GPD1L: variants seen among roughly 807,000 people sequenced by gnomAD.
GPD1L encodes the protein glycerol-3-phosphate dehydrogenase 1 like.
A neutral mutation model predicts 32.9 loss-of-function variants in GPD1L; 17 were observed. The observed-to-expected ratio is 0.52, with a 90% CI of 0.35 to 0.78. The LOEUF is 0.78. GPD1L is among the 30% of genes least tolerant of loss of function. GPD1L has a pLI of 0.01. For missense variants in GPD1L, 361 were observed against 447.8 expected, an observed-to-expected ratio of 0.81 and a Z score of 1.75; for synonymous variants, 187 against 165.9, an observed-to-expected ratio of 1.13 and a Z score of -0.98.
intron 5 of GPD1L, chr3:32,151,471 C>A: frequency 2.3e-6 from 1 of 425,790 alleles, no homozygotes; most frequent in Non-Finnish European, 4.2e-6. Flanking sequence ...GGTTTTTTAG[C>A]TTATGTATTT....
chr3:32,159,239 C>T (rs1701042764), intron 6 of GPD1L, 130 bp downstream of exon 6: 1 of 714,682 alleles, frequency 1.4e-6, no homozygotes, highest in Admixed American at 2.2e-5. Context: ...TGCCTGGCTG[C>T]TTTTTCACTT....
intron 1 of GPD1L, among the ~76,000 whole-genome samples, chr3:32,126,706 A>G (rs1384797142): frequency 6.6e-6 from 1 of 152,326 alleles, no homozygotes; most frequent in East Asian, 1.9e-4. Context: ...CTTGATATCT[A>G]CAGCTATTCT....
At chr3:32,110,642 C>A (rs920226964) in intron 1 of GPD1L, among the ~76,000 whole-genome samples, 1 of 152,200 alleles carries the variant, frequency 6.6e-6, no homozygotes, top group African/African-American at 2.4e-5. Flanking sequence ...ATGCCCTTGT[C>A]CTGTCCTTTG....
intron 2 of GPD1L, among the ~76,000 whole-genome samples, chr3:32,129,283 A>C (rs1700555132): frequency 6.6e-6 from 1 of 152,188 alleles, no homozygotes. Flanking sequence ...TGTGCATGCA[A>C]AGCACCGTGT....
At chr3:32,150,177 C>G (rs111554271) in intron 5 of GPD1L, among the ~76,000 whole-genome samples, 1,966 of 152,200 alleles carry the variant, frequency 0.013, 60 homozygotes, top group African/African-American at 0.044. Context: ...TTTGCATTTT[C>G]TAGGATTTTT....
chr3:32,140,162 A>G (rs1347634162), intron 3 of GPD1L, 66 bp from the exon 4 acceptor site: 2 of 1,557,014 alleles, frequency 1.3e-6, no homozygotes, highest in East Asian at 4.5e-5. Context: ...GCCATGGGAC[A>G]TCTACTATCC....
chr3:32,138,794 T>C, intron 3 of GPD1L, 67 bp downstream of exon 3: 1 of 1,509,270 alleles, frequency 6.6e-7, no homozygotes. Context: ...CCTCACACTT[T>C]CATCTGCTTG....
At chr3:32,133,454 G>A (rs1367913846) in intron 2 of GPD1L, among the ~76,000 whole-genome samples, 2 of 152,060 alleles carry the variant, frequency 1.3e-5, no homozygotes, top group Non-Finnish European at 2.9e-5. Context: ...ATATTAAAAA[G>A]ATATAAAATA....
intron 2 of GPD1L, among the ~76,000 whole-genome samples, chr3:32,129,163 G>A (rs1249277028): frequency 6.6e-6 from 1 of 152,176 alleles, no homozygotes; most frequent in African/African-American, 2.4e-5. Flanking sequence ...TTGAAAAACA[G>A]ACAGTTGTGG....
At position 32,165,071 on chromosome 3, in the gene GPD1L, G is replaced by A. The variant is rs78046424; in HGVS notation, c.960-743G>A. 0.023 allele frequency among the ~76,000 whole-genome samples: 3,544 copies of A among 152,246 alleles called. 304 individuals carry two copies. In the East Asian group the frequency reaches 0.25, roughly 11 times the overall value. The stretch of plus-strand genomic sequence containing the variant: ...ATACAAAAATTAGCCAGGCGTGGTG[G>A]CACACACCTGTAATCCCAACTACTC... On this transcript the variant is annotated intron_variant, in intron 7 of 7. Transcript: ENST00000282541.
At chr3:32,107,683 G>T (rs1427306536) in intron 1 of GPD1L, among the ~76,000 whole-genome samples, 2 of 152,190 alleles carry the variant, frequency 1.3e-5, no homozygotes, top group Non-Finnish European at 2.9e-5. Context: ...CAGAAGTGCT[G>T]CAGCAGCTGG....
At chr3:32,114,835 C>G (rs2125469409) in intron 1 of GPD1L, among the ~76,000 whole-genome samples, 1 of 152,274 alleles carries the variant, frequency 6.6e-6, no homozygotes, top group East Asian at 1.9e-4. Context: ...AGCCACAGAC[C>G]TTCCCAGTGA....
At chr3:32,160,364 T>G (rs1575122998) in intron 7 of GPD1L, among the ~76,000 whole-genome samples, 1 of 31,506 alleles carries the variant, frequency 3.2e-5, no homozygotes, top group Non-Finnish European at 5.0e-5. Flanking sequence ...GATGGATGGA[T>G]GGATGGATGG....
intron 7 of GPD1L, among the ~76,000 whole-genome samples, chr3:32,161,394 C>T (rs1405614470): frequency 6.6e-6 from 1 of 152,166 alleles, no homozygotes; most frequent in Non-Finnish European, 1.5e-5. Context: ...CTCTGACATG[C>T]ATGGTTTTCC....
chr3:32,108,530 CAAAAAAT>C (rs1487231732), intron 1 of GPD1L, among the ~76,000 whole-genome samples: 1 of 151,992 alleles, frequency 6.6e-6, no homozygotes, highest in Non-Finnish European at 1.5e-5. Flanking sequence ...CAAAACAAAA[CAAAAAAT>C]AAAAAACAAA....
intron 1 of GPD1L, among the ~76,000 whole-genome samples, chr3:32,109,438 C>G (rs569313434): frequency 1.6e-4 from 25 of 152,316 alleles, no homozygotes; most frequent in African/African-American, 5.8e-4. Flanking sequence ...GTGTACTTGA[C>G]TGTTTCCTTG....
chr3:32,123,948 G>T (rs1471405025), intron 1 of GPD1L, among the ~76,000 whole-genome samples: 2 of 152,176 alleles, frequency 1.3e-5, no homozygotes, highest in Non-Finnish European at 2.9e-5. Context: ...ACTATGACCT[G>T]TTCACATGCA....
At position 32,106,840 on chromosome 3, in the gene GPD1L, T is replaced by G; in HGVS notation, c.47+82T>G. ...GCGGTGAGGGCTGCGCGCCCCATGC[T>G]GCGGCGTGGGCACCGGGCACTGCGC... On this transcript the variant is annotated intron_variant, in intron 1 of 7. Coordinates refer to ENST00000282541, the MANE Select transcript of GPD1L (RefSeq NM_015141.4). This position sits in a 1 kb window ranked among gnomAD's most constrained non-coding sequence, Gnocchi z 4.0. 7.5e-7 allele frequency: 1 copy of G among 1,325,326 alleles called. No homozygotes were observed. Among genetic ancestry groups the G allele is most frequent in the Non-Finnish European group, 1.0e-6 (1 of 991,332 alleles). The allele number at this position is 1,325,326 out of a possible 1,614,324, so 82.1% of individuals were successfully genotyped here.
chr3:32,136,117 C>T (rs1700656482), intron 2 of GPD1L, among the ~76,000 whole-genome samples: 1 of 152,194 alleles, frequency 6.6e-6, no homozygotes, highest in African/African-American at 2.4e-5. Context: ...CAGCAGGTTA[C>T]ATGATATTAA....
Sources: allele counts gnomAD v4.1 joint callset (sites outside exome capture counted in the v4.1 genomes callset), GRCh38; gene constraint gnomAD v4.1.1; non-coding constraint Gnocchi (gnomAD v3.1); transcripts MANE v1.5; gene names NCBI Gene and HGNC (gene_info 2026-07-23, HGNC 2026-07-21).